Variants in NRG1 observed in about 807,000 individuals in gnomAD.
The protein encoded by NRG1 is neuregulin 1, also known as pro-neuregulin-1, membrane-bound isoform.
In NRG1, 18 loss-of-function variants were observed where a neutral mutation model predicts 63.8. The ratio of observed to expected loss-of-function variants is 0.28; its 90% CI spans 0.19 to 0.42. The LOEUF (loss-of-function observed/expected upper bound fraction) is 0.42, where lower values mean the gene tolerates loss of function less well. NRG1 is among the 10% of genes least tolerant of loss of function. The probability of loss-of-function intolerance (pLI) is 1.00; values close to 1 mark genes in which losing one functional copy is unlikely to be tolerated. For synonymous variants in NRG1, 302 were observed against 301.3 expected (o/e 1.00, Z -0.02); for missense variants, 762 against 814.7 (o/e 0.94, Z 0.79).
At chr8:32,563,493 T>G in intron 1 of NRG1, among the ~76,000 whole-genome samples, 1 of 152,162 alleles carries the variant, frequency 6.6e-6, no homozygotes, top group East Asian at 1.9e-4. Context: ...GCAGAAGCCT[T>G]TTATTAAATT....
intron 1 of NRG1, among the ~76,000 whole-genome samples, chr8:32,138,603 C>T (rs181631189): frequency 3.3e-5 from 5 of 152,078 alleles, no homozygotes; most frequent in Non-Finnish European, 7.4e-5. Context: ...CTCTGTCGCC[C>T]AGACTGGAGT....
intron 1 of NRG1, among the ~76,000 whole-genome samples, chr8:32,411,905 T>C (rs1430908048): frequency 2.0e-5 from 3 of 152,202 alleles, no homozygotes; most frequent in African/African-American, 7.2e-5. Flanking sequence ...TGTCATAAGT[T>C]GGGGACCATG....
chr8:32,020,849 G>T (rs1816317688), intron 1 of NRG1, among the ~76,000 whole-genome samples: 1 of 151,846 alleles, frequency 6.6e-6, no homozygotes, highest in South Asian at 2.1e-4. Flanking sequence ...CATTTATTTG[G>T]GATTTACCAT....
chr8:31,927,472 G>A (rs28706954), intron 1 of NRG1, among the ~76,000 whole-genome samples: 3,950 of 115,558 alleles, frequency 0.034, 255 homozygotes, highest in African/African-American at 0.12. Context: ...TTTTTGAGAC[G>A]GAGTCTCGCT....
chr8:32,073,186 T>C (rs1297206172), intron 1 of NRG1, among the ~76,000 whole-genome samples: 1 of 152,224 alleles, frequency 6.6e-6, no homozygotes, highest in Non-Finnish European at 1.5e-5. Flanking sequence ...TTCCGCGTCA[T>C]TCACTATCTT....
intron 1 of NRG1, among the ~76,000 whole-genome samples, chr8:32,081,250 G>A (rs1006862213): frequency 3.3e-5 from 5 of 151,888 alleles, no homozygotes; most frequent in Non-Finnish European, 7.4e-5. Flanking sequence ...ATCTCCAAAT[G>A]TGGTCACATT....
At chr8:31,660,499 A>C (rs1180638345) in intron 1 of NRG1, among the ~76,000 whole-genome samples, 1 of 152,226 alleles carries the variant, frequency 6.6e-6, no homozygotes, top group Non-Finnish European at 1.5e-5. Context: ...TTGCAGAAGA[A>C]TGTTGCATAT....
chr8:31,822,896 A>T (rs570084418), intron 1 of NRG1, among the ~76,000 whole-genome samples: 1 of 152,274 alleles, frequency 6.6e-6, no homozygotes, highest in South Asian at 2.1e-4. Flanking sequence ...TTTCATTGGT[A>T]CCCAAGAAGC....
At chr8:32,284,201 C>T (rs1384584588) in intron 1 of NRG1, among the ~76,000 whole-genome samples, 1 of 151,934 alleles carries the variant, frequency 6.6e-6, no homozygotes, top group Non-Finnish European at 1.5e-5. Flanking sequence ...GAGAGAATAC[C>T]CCACCTTTTA....
Position 32,042,230 on chromosome 8 carries a change from C to T in NRG1, c.37+402799C>T, listed in dbSNP as rs151014671. 1.7e-3 allele frequency among the ~76,000 whole-genome samples: 263 copies of T among 151,850 alleles called. 3 individuals carry two copies. Among genetic ancestry groups the T allele is most frequent in the African/African-American group, 6.1e-3 (254 of 41,418 alleles). On this transcript the variant is annotated intron_variant, in intron 1 of 10. Coordinates refer to the NRG1 transcript ENST00000519301. ...GAGGGCAAGGCAAGAGAATTGCTTG[C>T]GGCCAGGAGTTTGAGACCAGCTTGG...
intron 1 of NRG1, among the ~76,000 whole-genome samples, chr8:32,398,258 G>A (rs758087088): frequency 6.6e-5 from 10 of 152,040 alleles, no homozygotes; most frequent in Non-Finnish European, 1.0e-4. Flanking sequence ...GTTGTACAGC[G>A]CAGCCTTCCA....
rs545611412 is a variant in NRG1, at chr8:31,863,515, A to G, written c.37+224084A>G. On this transcript the variant is annotated intron_variant, in intron 1 of 10. Transcript: ENST00000519301. ...CTACTGTTAATGATACATATGTCAT[A>G]TTTACAAATGCCTCATGTGTCTCAG... is the stretch of plus-strand genomic sequence containing the variant. Among the ~76,000 whole-genome samples the G allele has an allele frequency of 5.1e-4, 78 of 152,294 alleles. 1 individual carries two copies. Among genetic ancestry groups the G allele is most frequent in the African/African-American group, 1.6e-3 (68 of 41,570 alleles).
chr8:32,144,954 C>G (rs943741401), intron 1 of NRG1, among the ~76,000 whole-genome samples: 2 of 152,040 alleles, frequency 1.3e-5, no homozygotes, highest in African/African-American at 4.8e-5. Flanking sequence ...TTATTCTTGT[C>G]GATTTGTTAT....
At chr8:31,722,242 A>AT (rs1394011838) in intron 1 of NRG1, among the ~76,000 whole-genome samples, 1 of 151,780 alleles carries the variant, frequency 6.6e-6, no homozygotes. Context: ...TACTACTGCG[A>AT]TTTTCCATGT....
At chr8:32,393,428 G>T (rs529209777) in intron 1 of NRG1, among the ~76,000 whole-genome samples, 1 of 152,062 alleles carries the variant, frequency 6.6e-6, no homozygotes, top group Non-Finnish European at 1.5e-5. Flanking sequence ...AAAAACACAC[G>T]CATGCTTATG....
intron 1 of NRG1, among the ~76,000 whole-genome samples, chr8:32,520,397 G>A (rs1168965780): frequency 6.6e-6 from 1 of 151,772 alleles, no homozygotes; most frequent in African/African-American, 2.4e-5. Context: ...GGGCTCAAGG[G>A]ATCCACCCGC....
chr8:31,903,916 A>T (rs751738001), intron 1 of NRG1, among the ~76,000 whole-genome samples: 1 of 152,108 alleles, frequency 6.6e-6, no homozygotes, highest in Non-Finnish European at 1.5e-5. Context: ...ACACCACTGC[A>T]CTCCAGCCTG....
At chr8:32,556,562 C>T (rs1343329359) in intron 1 of NRG1, among the ~76,000 whole-genome samples, 1 of 152,146 alleles carries the variant, frequency 6.6e-6, no homozygotes, top group African/African-American at 2.4e-5. Flanking sequence ...GCTGAATAAT[C>T]CTGGCTTTAG....
intron 1 of NRG1, among the ~76,000 whole-genome samples, chr8:31,842,869 C>T (rs564869768): frequency 8.5e-5 from 13 of 152,086 alleles, no homozygotes; most frequent in African/African-American, 2.9e-4. Flanking sequence ...CAAGTTTTAC[C>T]CTCTAATTTC....
Sources: allele counts gnomAD v4.1 joint callset (sites outside exome capture counted in the v4.1 genomes callset), GRCh38; gene constraint gnomAD v4.1.1; transcripts MANE v1.5; gene names NCBI Gene and HGNC (gene_info 2026-07-23, HGNC 2026-07-21).